BSPRY: variants seen among roughly 807,000 people sequenced by gnomAD.
BSPRY encodes the protein B box and SPRY domain-containing protein.
Under a neutral mutation model 38.0 loss-of-function variants are expected in BSPRY, and 33 were observed. The ratio of observed to expected loss-of-function variants is 0.87; its 90% CI spans 0.66 to 1.16. The LOEUF (loss-of-function observed/expected upper bound fraction) is 1.16. Among genes scored for constraint, BSPRY ranks in the 50% most tolerant of loss-of-function variants. The pLI is 0.00. For missense variants in BSPRY, 523 were observed against 533.2 expected (o/e 0.98, Z 0.19); for synonymous variants, 224 against 228.5 (o/e 0.98, Z 0.18).
chr9:113,369,545 T>G, intron 5 of BSPRY, 71 bp from the exon 6 acceptor site: 1 of 1,498,342 alleles, frequency 6.7e-7, no homozygotes, highest in Non-Finnish European at 9.0e-7. Context: ...GTGAGGAACC[T>G]TTTGCTACCT....
At chr9:113,359,681 T>A (rs1017632080) in intron 2 of BSPRY, among the ~76,000 whole-genome samples, 1 of 152,104 alleles carries the variant, frequency 6.6e-6, no homozygotes, top group Non-Finnish European at 1.5e-5. Context: ...TGGGTTCGAG[T>A]CTCAGCTTTG....
intron 4 of BSPRY, among the ~76,000 whole-genome samples, chr9:113,366,010 A>G (rs1834245235): frequency 6.6e-6 from 1 of 152,006 alleles, no homozygotes; most frequent in African/African-American, 2.4e-5. Context: ...TCACCATATT[A>G]GCCAGGCTGG....
intron 5 of BSPRY, 64 bp downstream of exon 5, chr9:113,368,447 C>T (rs933431805): frequency 3.2e-6 from 5 of 1,574,324 alleles, no homozygotes; most frequent in Admixed American, 1.8e-5. Context: ...GTCTGGGGTT[C>T]ACTCCTGGTT....
chr9:113,364,947 G>GTTTTTTTTT (rs144272713), intron 4 of BSPRY, among the ~76,000 whole-genome samples: 1 of 134,522 alleles, frequency 7.4e-6, no homozygotes, highest in Non-Finnish European at 1.6e-5. Flanking sequence ...TCCTTAGCTT[G>GTTTTTTTTT]TTTTTTTTTT....
At chr9:113,354,746 G>A (rs1834029764) in intron 2 of BSPRY, among the ~76,000 whole-genome samples, 1 of 152,218 alleles carries the variant, frequency 6.6e-6, no homozygotes, top group African/African-American at 2.4e-5. Flanking sequence ...AGAGGTTAAA[G>A]AGGTTAACTG....
chr9:113,365,802 C>CTTT lies in BSPRY; in HGVS notation c.558-2439_558-2437dup, dbSNP rs139762130. Among the ~76,000 whole-genome samples the CTTT allele has an allele frequency of 7.0e-4, 75 of 106,732 alleles. 1 individual carries two copies. The highest frequency in any genetic ancestry group is 8.4e-4 in the African/African-American group (23 of 27,310). 70.0% of individuals were successfully genotyped at this position (106,732 alleles called of 152,430 possible). A position where few individuals can be genotyped will look rare whatever the true frequency, so the allele number is the denominator to read the frequency against. ...GATGCATGAGTTTGTGTCACAGCTT[C>CTTT]TTTTTTTTTTTTTTTTTTTTGAGAT... On this transcript the variant is annotated intron_variant, in intron 4 of 5. Coordinates refer to ENST00000374183, the MANE Select transcript of BSPRY (RefSeq NM_017688.3).
At chr9:113,362,266 C>T in intron 3 of BSPRY, 103 bp from the exon 4 acceptor site, 1 of 1,165,702 alleles carries the variant, frequency 8.6e-7, no homozygotes, top group East Asian at 2.7e-5. Flanking sequence ...AGTTTTTATT[C>T]TAGAGTCCAC....
Position 113,349,769 on chromosome 9 carries a change from G to A in BSPRY, c.190G>A (p.Glu64Lys). Residue 64 changes from glutamate to lysine, a missense_variant, in exon 1 of 6, where the codon GAG (glutamate) becomes AAG (lysine). By Grantham distance (56) the Glu-to-Lys change is moderately conservative. Coordinates refer to ENST00000374183, the MANE Select transcript of BSPRY (RefSeq NM_017688.3). ...CATCCGCCGGGCGGAGGAGCGCGCCGAGGAGCTGCGGGTGAGCGGGTGTGG... is the reference window on the plus strand; with the variant it reads ...CATCCGCCGGGCGGAGGAGCGCGCCAAGGAGCTGCGGGTGAGCGGGTGTGG... ...HRIRRAEERA[E>K]ELRNKIVDQC... is the part of the protein sequence containing the mutation. The A allele has an allele frequency of 8.1e-7, 1 of 1,234,132 alleles. No homozygotes were observed. The allele number at this position is 1,234,132 out of a possible 1,614,324, so 76.4% of individuals were successfully genotyped here.
chr9:113,352,012 C>T (rs144958571), intron 1 of BSPRY, among the ~76,000 whole-genome samples: 1,809 of 152,008 alleles, frequency 0.012, 13 homozygotes, highest in Middle Eastern at 0.041. Flanking sequence ...GGTTTCACCA[C>T]GTTGGCCAGG....
At chr9:113,355,161 C>T (rs921491038) in intron 2 of BSPRY, among the ~76,000 whole-genome samples, 1 of 152,200 alleles carries the variant, frequency 6.6e-6, no homozygotes, top group African/African-American at 2.4e-5. Flanking sequence ...CTGGCCTCCA[C>T]TGCAGATTTT....
chr9:113,362,425 A>T (rs762175856), intron 4 of BSPRY, 31 bp downstream of exon 4: 4 of 1,608,878 alleles, frequency 2.5e-6, no homozygotes, highest in Non-Finnish European at 2.6e-6. Context: ...TTGACTGGGT[A>T]GTCTTGGAGA....
At position 113,357,359 on chromosome 9, in the gene BSPRY, T is replaced by C. The variant is rs562539064; in HGVS notation, c.300+3021T>C. Among the ~76,000 whole-genome samples, 10 of 152,370 alleles carry C rather than the reference T, an allele frequency of 6.6e-5. No homozygotes were observed. In the East Asian group the frequency reaches 1.5e-3, roughly 24 times the overall value. On this transcript the variant is annotated intron_variant, in intron 2 of 5. Transcript: ENST00000374183. The stretch of plus-strand genomic sequence containing the variant: ...CTTGTGCTACCCTTTTATAGCCACA[T>C]GTACCCTTTCCTATCCCCTTGTATT...
chr9:113,368,514 G>A, intron 5 of BSPRY, 131 bp downstream of exon 5: 1 of 1,288,250 alleles, frequency 7.8e-7, no homozygotes, highest in Non-Finnish European at 1.1e-6. Flanking sequence ...GCTGGATGCA[G>A]GCTGGTCAGT....
chr9:113,370,265 G>GGCA lies in BSPRY; in HGVS notation c.*126_*128dup, dbSNP rs1413213092. On this transcript the variant is annotated 3_prime_UTR_variant, in exon 6 of 6. Coordinates refer to ENST00000374183, the MANE Select transcript of BSPRY (RefSeq NM_017688.3). This position sits in a 1 kb window ranked among gnomAD's most constrained non-coding sequence, Gnocchi z 4.8. ...AGAGAAACAGGGCCCATAACCAGTG[G>GGCA]GCAGCTTTAGGAGGGATGGGGATCT... 3 of 1,209,040 alleles carry GGCA rather than the reference G, an allele frequency of 2.5e-6. No homozygotes were observed. Among genetic ancestry groups the GGCA allele is most frequent in the Non-Finnish European group, 3.4e-6 (3 of 879,208 alleles). 74.9% of individuals were successfully genotyped at this position (1,209,040 alleles called of 1,614,324 possible).
At chr9:113,358,201 T>C (rs1257913965) in intron 2 of BSPRY, among the ~76,000 whole-genome samples, 2 of 151,006 alleles carry the variant, frequency 1.3e-5, no homozygotes, top group African/African-American at 4.9e-5. Context: ...TGAGCTATGA[T>C]TGCATCACTG....
intron 5 of BSPRY, among the ~76,000 whole-genome samples, chr9:113,369,378 T>C (rs1339174632): frequency 1.3e-5 from 2 of 152,236 alleles, no homozygotes; most frequent in African/African-American, 4.8e-5. Context: ...TTATGAAGGC[T>C]ACAGTTTATA....
chr9:113,350,880 A>G (rs1482224192), intron 1 of BSPRY, among the ~76,000 whole-genome samples: 1 of 152,182 alleles, frequency 6.6e-6, no homozygotes, highest in Non-Finnish European at 1.5e-5. Flanking sequence ...TGCAAACTCC[A>G]AAGTACTTAA....
At position 113,360,790 on chromosome 9, in the gene BSPRY, C is replaced by G. The variant is rs1160721014; in HGVS notation, c.531+53C>G. ...CCAGTTGGCCAGGCTCCCCAAAAGC[C>G]TGAAAATATCGAGAATGTTTGTCGG... On this transcript the variant is annotated intron_variant, in intron 3 of 5. Transcript: ENST00000374183. 3 of 1,389,372 alleles carry G rather than the reference C, an allele frequency of 2.2e-6. No homozygotes were observed. The East Asian group carries it at 7.5e-5, about 35-fold the overall frequency. 86.1% of individuals were successfully genotyped at this position (1,389,372 alleles called of 1,614,324 possible). A position where few individuals can be genotyped will look rare whatever the true frequency, so the allele number is the denominator to read the frequency against.
intron 4 of BSPRY, among the ~76,000 whole-genome samples, chr9:113,367,388 C>T (rs925357996): frequency 2.0e-5 from 3 of 152,156 alleles, no homozygotes; most frequent in South Asian, 2.1e-4. Context: ...ATTGAGAGCA[C>T]ACAGTGCCAT....
Sources: gnomAD v4.1 joint callset for allele counts (sites outside exome capture counted in the v4.1 genomes callset) on GRCh38, gnomAD v4.1.1 for gene constraint, Gnocchi (gnomAD v3.1) non-coding constraint, MANE v1.5 for transcripts, NCBI Gene and HGNC (gene_info 2026-07-23, HGNC 2026-07-21) for gene names.